Variants in FYB1 observed in about 807,000 individuals in gnomAD.
The protein encoded by FYB1 is FYN-binding protein 1.
FYB1 carries 41 observed loss-of-function variants against 94.1 expected under a neutral mutation model. The ratio of observed to expected loss-of-function variants is 0.44; its 90% CI spans 0.34 to 0.57. The LOEUF is 0.57. Among genes scored for constraint, FYB1 ranks in the 20% least tolerant of loss-of-function variants. The probability of loss-of-function intolerance (pLI) is 0.02; values close to 1 mark genes in which losing one functional copy is unlikely to be tolerated. For missense variants in FYB1, 1,050 were observed against 976.8 expected (o/e 1.07, Z -1.00); for synonymous variants, 367 against 353.2 (o/e 1.04, Z -0.44).
At chr5:39,130,557 G>A (rs1346528596) in intron 10 of FYB1, 33 bp downstream of exon 10, 4 of 1,535,932 alleles carry the variant, frequency 2.6e-6, no homozygotes, top group Non-Finnish European at 3.5e-6. Flanking sequence ...TGTATCAATT[G>A]TAAAATGTCA....
intron 2 of FYB1, among the ~76,000 whole-genome samples, chr5:39,157,748 G>T (rs1743887553): frequency 6.6e-6 from 1 of 152,180 alleles, no homozygotes; most frequent in Non-Finnish European, 1.5e-5. Context: ...TCTGTGATTT[G>T]AAAGTACTGG....
At chr5:39,229,767 A>C (rs900065274) in intron 1 of FYB1, among the ~76,000 whole-genome samples, 2 of 152,214 alleles carry the variant, frequency 1.3e-5, no homozygotes, top group African/African-American at 4.8e-5. Flanking sequence ...GTTGCCTAAA[A>C]GGCAGAAGAG....
At chr5:39,164,265 C>CA (rs1450852214) in intron 2 of FYB1, among the ~76,000 whole-genome samples, 1 of 152,034 alleles carries the variant, frequency 6.6e-6, no homozygotes, top group Non-Finnish European at 1.5e-5. Context: ...AGTGGGTGGC[C>CA]ACTGTGGGGC....
intron 2 of FYB1, among the ~76,000 whole-genome samples, chr5:39,166,585 G>A (rs1744760332): frequency 6.6e-6 from 1 of 152,136 alleles, no homozygotes; most frequent in African/African-American, 2.4e-5. Context: ...GGATGACACT[G>A]ATAAAGAAAA....
intron 14 of FYB1, 41 bp from the exon 15 acceptor site, chr5:39,119,675 A>G (rs2150280151): frequency 7.0e-7 from 1 of 1,436,982 alleles, no homozygotes. Flanking sequence ...CTTTGTTTAG[A>G]AAATTAAAAA....
At chr5:39,163,614 T>C (rs1329337384) in intron 2 of FYB1, among the ~76,000 whole-genome samples, 2 of 152,192 alleles carry the variant, frequency 1.3e-5, no homozygotes, top group Non-Finnish European at 2.9e-5. Flanking sequence ...GAAAGGTAAA[T>C]TGTTTTTATA....
intron 1 of FYB1, among the ~76,000 whole-genome samples, chr5:39,203,591 ACTT>A (rs1351325996): frequency 3.9e-5 from 6 of 152,080 alleles, no homozygotes; most frequent in African/African-American, 7.2e-5. Flanking sequence ...TAATAAAATG[ACTT>A]CTTCTCCTTA....
intron 12 of FYB1, 53 bp from the exon 13 acceptor site, chr5:39,124,331 T>A: frequency 7.6e-7 from 1 of 1,308,776 alleles, no homozygotes; most frequent in Non-Finnish European, 1.0e-6. Context: ...AACACAGAAA[T>A]TGATTCCGTT....
At chr5:39,122,472 G>A in intron 13 of FYB1, 70 bp from the exon 14 acceptor site, 2 of 894,864 alleles carry the variant, frequency 2.2e-6, no homozygotes, top group Non-Finnish European at 3.6e-6. Context: ...ATTCAATGAT[G>A]TTTTTAATAT....
chr5:39,127,884 A>C, intron 10 of FYB1, 77 bp from the exon 11 acceptor site: 6 of 1,367,592 alleles, frequency 4.4e-6, no homozygotes, highest in Non-Finnish European at 5.9e-6. Flanking sequence ...TTTTAATTGT[A>C]AATCTTCCTT....
intron 1 of FYB1, among the ~76,000 whole-genome samples, chr5:39,227,369 T>C (rs1579737352): frequency 6.6e-6 from 1 of 152,328 alleles, no homozygotes; most frequent in Non-Finnish European, 1.5e-5. Context: ...AATAGTATTA[T>C]GGTTAAACTA....
chr5:39,124,678 T>A (rs1399442558), intron 12 of FYB1, among the ~76,000 whole-genome samples: 1 of 152,006 alleles, frequency 6.6e-6, no homozygotes, highest in Non-Finnish European at 1.5e-5. Context: ...TTATTTGAAT[T>A]AAAGAGCAGA....
chr5:39,223,308 A>T (rs1341948455), upstream of FYB1, among the ~76,000 whole-genome samples: 1 of 152,152 alleles, frequency 6.6e-6, no homozygotes, highest in Non-Finnish European at 1.5e-5. Context: ...ATATAAAAAT[A>T]TGAGGAGCAT....
chr5:39,159,996 C>T (rs1324638464), intron 2 of FYB1, among the ~76,000 whole-genome samples: 1 of 152,174 alleles, frequency 6.6e-6, no homozygotes, highest in African/African-American at 2.4e-5. Context: ...TCCTCTTCTT[C>T]ATGGCCAAAC....
intron 1 of FYB1, among the ~76,000 whole-genome samples, chr5:39,246,794 T>C (rs769833125): frequency 1.5e-4 from 23 of 151,722 alleles, no homozygotes; most frequent in Non-Finnish European, 3.1e-4. Context: ...TGTTACAGAG[T>C]CACATGACAA....
Position 39,134,846 on chromosome 5 carries a change from T to C in FYB1, c.1675+9A>G. ...AATACTTCGAAGCCATAGAGAAATT[T>C]GCACTCACATGAACCCCTTGCTGTT... is the stretch of plus-strand genomic sequence containing the variant. On this transcript the variant is annotated intron_variant, in intron 8 of 18. Transcript: ENST00000512982. 1 of 1,613,318 alleles carries C rather than the reference T, an allele frequency of 6.2e-7. No individual in the cohort carries two copies. The highest frequency in any genetic ancestry group is 1.3e-5 in the African/African-American group (1 of 75,022).
At chr5:39,185,803 T>C (rs1202423323) in intron 2 of FYB1, among the ~76,000 whole-genome samples, 1 of 151,960 alleles carries the variant, frequency 6.6e-6, no homozygotes, top group Non-Finnish European at 1.5e-5. Flanking sequence ...TTGGAGCCAC[T>C]CCGTGAGGGT....
intron 2 of FYB1, among the ~76,000 whole-genome samples, chr5:39,192,078 C>G (rs965461051): frequency 6.6e-6 from 1 of 152,172 alleles, no homozygotes; most frequent in Admixed American, 6.5e-5. Context: ...TTTTATTTGA[C>G]TTGGCTTGGA....
intron 7 of FYB1, 114 bp downstream of exon 7, chr5:39,137,486 A>G: frequency 1.6e-6 from 2 of 1,224,492 alleles, no homozygotes; most frequent in South Asian, 1.6e-5. Flanking sequence ...TACTCTTTAG[A>G]GAATAATGAA....
Sources: allele counts gnomAD v4.1 joint callset (sites outside exome capture counted in the v4.1 genomes callset), GRCh38; gene constraint gnomAD v4.1.1; transcripts MANE v1.5; gene names NCBI Gene and HGNC (gene_info 2026-07-23, HGNC 2026-07-21).